Variants in ZNF732 observed in about 807,000 individuals in gnomAD.
The protein encoded by ZNF732 is zinc finger protein LOC654254.
A neutral mutation model predicts 11.5 loss-of-function variants in ZNF732; 12 were observed. That is an observed-to-expected ratio of 1.05 (90% CI 0.67 to 1.70). ZNF732 has a LOEUF of 1.70. ZNF732 is among the 40% of genes most tolerant of loss of function. The probability of loss-of-function intolerance (pLI) is 0.00; values close to 1 mark genes in which losing one functional copy is unlikely to be tolerated. For missense variants in ZNF732, 702 were observed against 676.9 expected (o/e 1.04, Z -0.41); for synonymous variants, 231 against 236.5 (o/e 0.98, Z 0.21).
At chr4:293,263 T>TGTGTGTGTATATATATATATATAC (rs1719880536) in intron 3 of ZNF732, among the ~76,000 whole-genome samples, 8 of 144,518 alleles carry the variant, frequency 5.5e-5, no homozygotes, top group African/African-American at 2.1e-4. Flanking sequence ...TATACACATA[T>TGTGTGTGTATATATATATATATAC]ATATGTATAT....
intron 1 of ZNF732, among the ~76,000 whole-genome samples, chr4:302,080 A>G (rs1444137285): frequency 2.0e-5 from 3 of 152,090 alleles, no homozygotes; most frequent in Admixed American, 1.3e-4. Context: ...AAGCGACTGT[A>G]GATAGAAGGA....
chr4:300,454 C>CAA (rs559629684), intron 1 of ZNF732, among the ~76,000 whole-genome samples: 42 of 58,524 alleles, frequency 7.2e-4, no homozygotes, highest in South Asian at 2.5e-3. Context: ...GACTCTGTCT[C>CAA]AAAAAAAAAA....
Position 295,474 on chromosome 4 carries a change from T to C in ZNF732, c.190A>G (p.Lys64Glu), listed in dbSNP as rs914078887. The change falls in exon 3 of 4, where the codon AAA becomes GAA. Residue 64 changes from lysine (K) to glutamate (E), a missense_variant. Lys to Glu is a moderately conservative substitution (Grantham distance 56). Around this residue, in one of 3 missense-constraint regions of ZNF732, gnomAD observed 596 missense variants for 557.9 expected, o/e 1.07. Transcript: ENST00000419098. ...GCTACTGTCTCATGTATCTTCACTTTGTAGGGCTCCTTTCTTTGCTCCAGA... is the reference window on the plus strand; with the variant it reads ...GCTACTGTCTCATGTATCTTCACTTCGTAGGGCTCCTTTCTTTGCTCCAGA... ...IYLEQRKEPY[K>E]VKIHETVAKH... The C allele has an allele frequency of 3.7e-6, 6 of 1,612,228 alleles. No homozygotes were observed. Among genetic ancestry groups the C allele is most frequent in the Non-Finnish European group, 5.1e-6 (6 of 1,179,094 alleles).
chr4:273,264 T>A (rs1252003412), intron 3 of ZNF732, among the ~76,000 whole-genome samples: 1 of 152,022 alleles, frequency 6.6e-6, no homozygotes, highest in African/African-American at 2.4e-5. Context: ...CCTTCCAACA[T>A]GTATGAGAGG....
At chr4:286,928 G>A (rs1028556826) in intron 3 of ZNF732, among the ~76,000 whole-genome samples, 3 of 152,124 alleles carry the variant, frequency 2.0e-5, no homozygotes, top group Admixed American at 6.5e-5. Flanking sequence ...CAAGGTGGGC[G>A]GATCACGGGG....
intron 3 of ZNF732, among the ~76,000 whole-genome samples, chr4:288,055 A>G (rs1348083772): frequency 3.3e-5 from 5 of 152,118 alleles, no homozygotes; most frequent in African/African-American, 9.7e-5. Flanking sequence ...AATAATTGTT[A>G]TATGTATTTC....
chr4:277,789 C>A lies in ZNF732; in HGVS notation c.227-5159G>T, dbSNP rs564428988. 1.5e-3 allele frequency among the ~76,000 whole-genome samples: 230 copies of A among 151,772 alleles called. 1 individual carries two copies. Among genetic ancestry groups the A allele is most frequent in the African/African-American group, 1.9e-3 (80 of 41,402 alleles). On this transcript the variant is annotated intron_variant, in intron 3 of 3. Transcript: ENST00000419098. Reference sequence around the variant, plus strand: ...TAAACCATGAACTACCACACACACACAAAAAAAATTCAAATTGCTGGATCA... The same window carrying A: ...TAAACCATGAACTACCACACACACAAAAAAAAAATTCAAATTGCTGGATCA...
chr4:302,648 G>A (rs1330907774), intron 1 of ZNF732, among the ~76,000 whole-genome samples: 2 of 152,114 alleles, frequency 1.3e-5, no homozygotes, highest in African/African-American at 4.8e-5. Context: ...ACTTTTCAAA[G>A]CAATAGTTTT....
At chr4:294,511 T>A (rs1719906426) in intron 3 of ZNF732, among the ~76,000 whole-genome samples, 1 of 152,192 alleles carries the variant, frequency 6.6e-6, no homozygotes, top group South Asian at 2.1e-4. Context: ...AATAAGGTAA[T>A]GATTGAGCGC....
chr4:301,651 A>T (rs778576622), intron 1 of ZNF732, among the ~76,000 whole-genome samples: 1 of 152,118 alleles, frequency 6.6e-6, no homozygotes, highest in Non-Finnish European at 1.5e-5. Flanking sequence ...TCTCATTCAT[A>T]GGTGGGAGTT....
At chr4:302,275 C>A (rs1271746242) in intron 1 of ZNF732, among the ~76,000 whole-genome samples, 1 of 152,158 alleles carries the variant, frequency 6.6e-6, no homozygotes, top group Non-Finnish European at 1.5e-5. Flanking sequence ...AAAGCAAAAT[C>A]ATCTCCAATC....
chr4:297,743 T>A (rs1719983802), intron 1 of ZNF732, among the ~76,000 whole-genome samples: 1 of 152,180 alleles, frequency 6.6e-6, no homozygotes, highest in African/African-American at 2.4e-5. Flanking sequence ...CCCATTTATC[T>A]GCTTTTGTGT....
At chr4:300,822 C>T (rs941694437) in intron 1 of ZNF732, among the ~76,000 whole-genome samples, 2 of 152,000 alleles carry the variant, frequency 1.3e-5, no homozygotes, top group Non-Finnish European at 1.5e-5. Context: ...AAGGACTTCA[C>T]GTCTAAAACA....
chr4:271,136 T>C lies in ZNF732; in HGVS notation c.1721A>G (p.Asn574Ser). 3.3e-6 allele frequency: 5 copies of C among 1,526,752 alleles called. No individual in the cohort carries two copies. The South Asian group carries it at 6.2e-5, about 19-fold the overall frequency. The allele number at this position is 1,526,752 out of a possible 1,614,324, so 94.6% of individuals were successfully genotyped here. The change falls in exon 4 of 4, where the codon AAT becomes AGT. Residue 574 changes from asparagine (N) to serine (S), a missense_variant. Around this residue, in one of 3 missense-constraint regions of ZNF732, gnomAD observed 94 missense variants for 87.5 expected, o/e 1.07. Transcript: ENST00000419098. Reference protein sequence around the residue: ...GKAFKWSSYLNQHNKIYTGEK... With the variant: ...GKAFKWSSYLSQHNKIYTGEK... ...TCCAGTATAAATTTTATTATGTTGATTAAGGTATGAGGACCACTTAAAGGC... is the reference window on the plus strand; with the variant it reads ...TCCAGTATAAATTTTATTATGTTGACTAAGGTATGAGGACCACTTAAAGGC...
At position 296,716 on chromosome 4, in the gene ZNF732, G is replaced by A. The variant is rs147937996; in HGVS notation, c.4-561C>T. Among the ~76,000 whole-genome samples the A allele has an allele frequency of 3.6e-3, 551 of 152,232 alleles. 4 individuals carry two copies. Among genetic ancestry groups the A allele is most frequent in the African/African-American group, 0.013 (520 of 41,530 alleles). On this transcript the variant is annotated intron_variant, in intron 1 of 3. Coordinates refer to ENST00000419098, the MANE Select transcript of ZNF732 (RefSeq NM_001137608.3). ...ACAAAATTTTGCAGGTTTGAAAAGAGTTCATGAATTAGCTTCTTATAGCAA... is the reference window on the plus strand; with the variant it reads ...ACAAAATTTTGCAGGTTTGAAAAGAATTCATGAATTAGCTTCTTATAGCAA...
chr4:272,186 G>T lies in ZNF732; in HGVS notation c.671C>A (p.Thr224Lys). The change falls in exon 4 of 4, where the codon ACA becomes AAA. Residue 224 changes from threonine (T) to lysine (K), a missense_variant. Thr to Lys is a moderately conservative substitution (Grantham distance 78). Transcript: ENST00000419098. The part of the protein sequence containing the change: ...EIIHTGEKPF[T>K]CEECGNIFTT... Reference sequence around the variant, plus strand: ...AAAGATGTTGCCACATTCTTCACATGTGAAGGGTTTCTCTCCAGTATGAAT... The same window carrying T: ...AAAGATGTTGCCACATTCTTCACATTTGAAGGGTTTCTCTCCAGTATGAAT... The T allele has an allele frequency of 6.2e-7, 1 of 1,612,968 alleles. No homozygotes were observed. Among genetic ancestry groups the T allele is most frequent in the South Asian group, 1.1e-5 (1 of 90,996 alleles).
Position 278,790 on chromosome 4 carries a change from G to A in ZNF732, c.227-6160C>T, listed in dbSNP as rs78345290. Among the ~76,000 whole-genome samples the A allele has an allele frequency of 2.0e-5, 3 of 152,196 alleles. No homozygotes were observed. In the South Asian group the frequency reaches 6.2e-4, roughly 31 times the overall value. ...GTGCACGGAAGGGTGGCGGACTCTG[G>A]AGCCCAGGCTGTTGCTTCCCAGTCT... On this transcript the variant is annotated intron_variant, in intron 3 of 3. Transcript: ENST00000419098.
intron 3 of ZNF732, among the ~76,000 whole-genome samples, chr4:282,294 T>C (rs1160483181): frequency 6.6e-6 from 1 of 152,208 alleles, no homozygotes; most frequent in African/African-American, 2.4e-5. Context: ...TCACTTTTGC[T>C]TGAGGCCAGG....
intron 3 of ZNF732, among the ~76,000 whole-genome samples, chr4:279,109 A>C (rs1553839236): frequency 6.6e-6 from 1 of 151,928 alleles, no homozygotes; most frequent in Non-Finnish European, 1.5e-5. Flanking sequence ...AAGCCTGAGA[A>C]CATTATGTTA....
Sources: allele counts gnomAD v4.1 joint callset (sites outside exome capture counted in the v4.1 genomes callset), GRCh38; gene constraint gnomAD v4.1.1; regional missense constraint gnomAD v4.1.1; transcripts MANE v1.5; gene names NCBI Gene and HGNC (gene_info 2026-07-23, HGNC 2026-07-21).